Variants in ZFHX3 observed in about 807,000 individuals in gnomAD.
ZFHX3 encodes the protein zinc finger homeobox protein 3.
A neutral mutation model predicts 279.1 loss-of-function variants in ZFHX3; 42 were observed. That is an observed-to-expected ratio of 0.15 (90% CI 0.12 to 0.19). The LOEUF (loss-of-function observed/expected upper bound fraction) is 0.19, where lower values mean the gene tolerates loss of function less well. ZFHX3 is among the 10% of genes least tolerant of loss of function. The pLI is 1.00. For missense variants in ZFHX3, 4,981 were observed against 4,754.0 expected, an observed-to-expected ratio of 1.05 and a Z score of -1.40; for synonymous variants, 2,293 against 1,957.8, an observed-to-expected ratio of 1.17 and a Z score of -4.52.
At chr16:73,332,912 A>G (rs1278844693) in intron 3 of ZFHX3, among the ~76,000 whole-genome samples, 2 of 152,188 alleles carry the variant, frequency 1.3e-5, no homozygotes, top group Non-Finnish European at 2.9e-5. Flanking sequence ...CTAGAAATCT[A>G]TGGTTGCTCT....
At chr16:72,910,988 T>A (rs942214496) in intron 3 of ZFHX3, among the ~76,000 whole-genome samples, 1 of 152,116 alleles carries the variant, frequency 6.6e-6, no homozygotes, top group African/African-American at 2.4e-5. Context: ...GGCTGGCAAG[T>A]AGGAGTCACA....
chr16:73,483,378 G>C (rs192586994), intron 2 of ZFHX3: 1 of 454,130 alleles, frequency 2.2e-6, no homozygotes, highest in South Asian at 1.6e-5. Flanking sequence ...AGTTCCTCAA[G>C]AGAGCCGGGA....
intron 5 of ZFHX3, among the ~76,000 whole-genome samples, chr16:73,224,952 T>C (rs1426350218): frequency 2.0e-5 from 3 of 152,174 alleles, no homozygotes; most frequent in Non-Finnish European, 4.4e-5. Flanking sequence ...CACCTGCCTA[T>C]CACCTTCATG....
At chr16:73,466,718 T>C (rs2018579850) in intron 2 of ZFHX3, among the ~76,000 whole-genome samples, 1 of 152,158 alleles carries the variant, frequency 6.6e-6, no homozygotes, top group African/African-American at 2.4e-5. Context: ...GCAGTGTTCA[T>C]CAAACTAACC....
chr16:73,456,003 C>G (rs1249925764), exon 3 of ZFHX3: 1 of 152,032 alleles, frequency 6.6e-6, no homozygotes, highest in Non-Finnish European at 1.5e-5. Context: ...TATCCCTTAC[C>G]TGGGAAGAAC....
intron 7 of ZFHX3, among the ~76,000 whole-genome samples, chr16:73,125,853 G>A (rs1012172480): frequency 6.6e-6 from 1 of 151,634 alleles, no homozygotes; most frequent in African/African-American, 2.4e-5. Context: ...TATTCCATTA[G>A]TTCTGTCCCT....
chr16:72,914,093 A>G (rs1366671767), intron 3 of ZFHX3, among the ~76,000 whole-genome samples: 1 of 152,226 alleles, frequency 6.6e-6, no homozygotes, highest in East Asian at 1.9e-4. Flanking sequence ...CCCTGGCTCT[A>G]GAGATCATGC....
chr16:72,881,167 G>T (rs920954119), intron 4 of ZFHX3, among the ~76,000 whole-genome samples: 11 of 152,194 alleles, frequency 7.2e-5, no homozygotes, highest in African/African-American at 2.4e-4. Context: ...CTAGAAATCT[G>T]TATTGTCTAA....
intron 1 of ZFHX3, among the ~76,000 whole-genome samples, chr16:73,042,931 T>A (rs1006407690): frequency 6.6e-6 from 1 of 151,692 alleles, no homozygotes; most frequent in Non-Finnish European, 1.5e-5. Flanking sequence ...ATTAGCTTCC[T>A]CCCAGAAACC....
intron 3 of ZFHX3, among the ~76,000 whole-genome samples, chr16:73,452,455 A>T (rs1024675870): frequency 1.3e-5 from 2 of 152,220 alleles, no homozygotes; most frequent in African/African-American, 4.8e-5. Flanking sequence ...AAGACACTAA[A>T]AAATCTGATG....
At chr16:72,935,170 G>A (rs1437509386) in intron 3 of ZFHX3, among the ~76,000 whole-genome samples, 11 of 152,188 alleles carry the variant, frequency 7.2e-5, no homozygotes, top group Admixed American at 3.9e-4. Flanking sequence ...AAGCAAGGAC[G>A]TTATCCTGCG....
chr16:73,137,778 T>C (rs934468924), intron 6 of ZFHX3, among the ~76,000 whole-genome samples: 3 of 152,122 alleles, frequency 2.0e-5, no homozygotes, highest in Non-Finnish European at 4.4e-5. Context: ...AAAATTATCT[T>C]TGTGGCAGGA....
At chr16:73,424,395 G>A (rs1345506670) in intron 3 of ZFHX3, among the ~76,000 whole-genome samples, 1 of 152,054 alleles carries the variant, frequency 6.6e-6, no homozygotes, top group Non-Finnish European at 1.5e-5. Context: ...GCTCTTCCAG[G>A]GGCTTCTGGT....
intron 4 of ZFHX3, among the ~76,000 whole-genome samples, chr16:72,881,932 G>A (rs1254019842): frequency 6.6e-6 from 1 of 152,184 alleles, no homozygotes; most frequent in East Asian, 1.9e-4. Flanking sequence ...CCTTTCGAAG[G>A]TGACTTGGGA....
intron 2 of ZFHX3, among the ~76,000 whole-genome samples, chr16:73,469,928 T>G (rs1597347512): frequency 6.6e-6 from 1 of 152,160 alleles, no homozygotes; most frequent in South Asian, 2.1e-4. Context: ...AAGATTTTTA[T>G]TTTATTGGTC....
chr16:73,478,726 T>G (rs372164311), intron 2 of ZFHX3, among the ~76,000 whole-genome samples: 1 of 152,090 alleles, frequency 6.6e-6, no homozygotes, highest in East Asian at 1.9e-4. Context: ...GCAAATCCCA[T>G]CTGATTAAGG....
intron 4 of ZFHX3, among the ~76,000 whole-genome samples, chr16:73,317,440 G>A (rs2015477704): frequency 6.6e-6 from 1 of 152,158 alleles, no homozygotes; most frequent in South Asian, 2.1e-4. Flanking sequence ...TATTTTACCA[G>A]CTATTGGCTC....
intron 3 of ZFHX3, among the ~76,000 whole-genome samples, chr16:73,371,380 C>T (rs1336681168): frequency 1.3e-5 from 2 of 151,638 alleles, no homozygotes; most frequent in Non-Finnish European, 2.9e-5. Context: ...CATTCCAACC[C>T]CCAATTTTTT....
At chr16:73,415,768 C>G (rs2017559515) in intron 3 of ZFHX3, among the ~76,000 whole-genome samples, 1 of 152,132 alleles carries the variant, frequency 6.6e-6, no homozygotes, top group Non-Finnish European at 1.5e-5. Flanking sequence ...AACCCAGCTG[C>G]CTGTCATAGG....
Sources: allele counts gnomAD v4.1 joint callset (sites outside exome capture counted in the v4.1 genomes callset), GRCh38; gene constraint gnomAD v4.1.1; transcripts MANE v1.5; gene names NCBI Gene and HGNC (gene_info 2026-07-23, HGNC 2026-07-21).